Variants in COL9A2 observed in about 807,000 individuals in gnomAD.
COL9A2 encodes the protein collagen type IX alpha 2 chain.
COL9A2 carries 66 observed loss-of-function variants against 111.6 expected under a neutral mutation model. That is an observed-to-expected ratio of 0.59 (90% CI 0.48 to 0.73). The LOEUF (loss-of-function observed/expected upper bound fraction) is 0.73, where lower values mean the gene tolerates loss of function less well. Ranked by LOEUF, COL9A2 falls within the 30% of genes least tolerant of loss-of-function variation. The pLI is 0.00. For missense variants in COL9A2, 881 were observed against 954.1 expected (o/e 0.92, Z 1.01); for synonymous variants, 353 against 364.1 (o/e 0.97, Z 0.35).
intron 31 of COL9A2, 150 bp from the exon 32 acceptor site, chr1:40,301,531 TCCCCTA>T (rs1643914906): frequency 1.4e-6 from 1 of 706,596 alleles, no homozygotes. Flanking sequence ...TCTGTGATTG[TCCCCTA>T]CCCCCAGCTC....
rs372862735 is a variant in COL9A2 at position 40,310,039 on chromosome 1, A to G, written c.793-48T>C. On this transcript the variant is annotated intron_variant, in intron 15 of 31. Coordinates refer to ENST00000372748, the MANE Select transcript of COL9A2 (RefSeq NM_001852.4). The surrounding 1 kb of genome is among the most constrained non-coding windows in gnomAD (Gnocchi z 4.9). The stretch of plus-strand genomic sequence containing the variant: ...ATCCAGGTCACACAGGCTCAGGGGG[A>G]GCCATGCCCACTCTGTGGCTGTAGC... The G allele has an allele frequency of 8.3e-4, 1,337 of 1,613,410 alleles. No homozygotes were observed. Among genetic ancestry groups the G allele is most frequent in the Non-Finnish European group, 1.1e-3 (1,297 of 1,179,516 alleles).
intron 16 of COL9A2, among the ~76,000 whole-genome samples, chr1:40,309,732 C>A (rs754896287): frequency 6.6e-6 from 1 of 151,912 alleles, no homozygotes; most frequent in Admixed American, 6.6e-5. Flanking sequence ...TACACACACT[C>A]ACAGACAGCC....
Position 40,307,554 on chromosome 1 carries a change from G to A in COL9A2, c.955-55C>T, listed in dbSNP as rs926834916. ...ATTAAAGCTCCAGCCAGAGGGCCAT[G>A]GCTTCTACCCAGATGCAGGTAGGGA... On this transcript the variant is annotated intron_variant, in intron 18 of 31. Transcript: ENST00000372748. The surrounding 1 kb of genome is among the most constrained non-coding windows in gnomAD (Gnocchi z 4.8). The A allele has an allele frequency of 6.2e-7, 1 of 1,605,298 alleles. No homozygotes were observed. Among genetic ancestry groups the A allele is most frequent in the African/African-American group, 1.3e-5 (1 of 74,724 alleles).
chr1:40,311,049 T>C lies in COL9A2; in HGVS notation c.630+44A>G. 6.2e-7 allele frequency: 1 copy of C among 1,610,084 alleles called. No homozygotes were observed. Among genetic ancestry groups the C allele is most frequent in the Non-Finnish European group, 8.5e-7 (1 of 1,176,920 alleles). On this transcript the variant is annotated intron_variant, in intron 12 of 31. Coordinates refer to ENST00000372748, the MANE Select transcript of COL9A2 (RefSeq NM_001852.4). The surrounding 1 kb of genome is among the most constrained non-coding windows in gnomAD (Gnocchi z 5.1). ...AAGGGGACAGAGCCCTGTAGGACCATCTCCACGTATCCCTGACCCACAGCC... is the reference window on the plus strand; with the variant it reads ...AAGGGGACAGAGCCCTGTAGGACCACCTCCACGTATCCCTGACCCACAGCC...
rs183694459 is a variant in COL9A2 at position 40,315,284 on chromosome 1, C to A, written c.150+306G>T. 8,403 of 1,199,276 alleles carry A rather than the reference C, an allele frequency of 7.0e-3. 50 individuals are homozygous for A. Among genetic ancestry groups the A allele is most frequent in the Admixed American group, 9.0e-3 (212 of 23,676 alleles). The allele number at this position is 1,199,276 out of a possible 1,614,324, so 74.3% of individuals were successfully genotyped here. On this transcript the variant is annotated intron_variant, in intron 2 of 31. Transcript: ENST00000372748. ...CCAGAGGCAGGGTGAGGGGTTGAGTCGCCTCCTACCCCACAAGGAGGGGAA... is the reference window on the plus strand; with the variant it reads ...CCAGAGGCAGGGTGAGGGGTTGAGTAGCCTCCTACCCCACAAGGAGGGGAA...
chr1:40,311,237 C>T lies in COL9A2; in HGVS notation c.569G>A (p.Gly190Glu). 6.2e-7 allele frequency: 1 copy of T among 1,614,226 alleles called. No homozygotes were observed. Among genetic ancestry groups the T allele is most frequent in the Non-Finnish European group, 8.5e-7 (1 of 1,180,030 alleles). ...CAGGCCAGGAGCTCTCACCTTCACT[C>T]CCTGCAGCCCTGGGGGACCTTTCAT... ...PGMKGPPGLQ[G>E]VKGHAGKRGI... The change falls in exon 11 of 32, where the codon GGA becomes GAA. Residue 190 changes from glycine (G) to glutamate (E), a missense_variant. Transcript: ENST00000372748. This position sits in a 1 kb window ranked among gnomAD's most constrained non-coding sequence, Gnocchi z 5.1.
At position 40,311,052 on chromosome 1, in the gene COL9A2, C is replaced by T. The variant is rs202027418; in HGVS notation, c.630+41G>A. The stretch of plus-strand genomic sequence containing the variant: ...GGGACAGAGCCCTGTAGGACCATCT[C>T]CACGTATCCCTGACCCACAGCCCTC... On this transcript the variant is annotated intron_variant, in intron 12 of 31. Transcript: ENST00000372748. This position sits in a 1 kb window ranked among gnomAD's most constrained non-coding sequence, Gnocchi z 5.1. 3,599 of 1,611,650 alleles carry T rather than the reference C, an allele frequency of 2.2e-3. 29 individuals carry two copies. The highest frequency in any genetic ancestry group is 0.02 in the South Asian group (1,852 of 91,004).
rs780999102 is a variant in COL9A2, at chr1:40,309,434, GA to G, written c.846+503del. 3.1e-3 allele frequency among the ~76,000 whole-genome samples: 428 copies of G among 139,418 alleles called. 1 individual carries two copies. The highest frequency in any genetic ancestry group is 6.7e-3 in the African/African-American group (257 of 38,274). The allele number at this position is 139,418 out of a possible 152,430, so 91.5% of individuals were successfully genotyped here. Reference sequence around the variant, plus strand: ...TTCCCCCAACAGGTCTATTAATTGGGAAAAAAAAAAAAAAAGAGTTAAGAGA... The same window carrying G: ...TTCCCCCAACAGGTCTATTAATTGGGAAAAAAAAAAAAAAGAGTTAAGAGA... On this transcript the variant is annotated intron_variant, in intron 16 of 31. Transcript: ENST00000372748.
In COL9A2 at chr1:40,317,222, C is replaced by T. The variant is rs761794305; in HGVS notation, c.-25G>A. The T allele has an allele frequency of 1.5e-6, 2 of 1,359,616 alleles. No individual in the cohort carries two copies. Among genetic ancestry groups the T allele is most frequent in the Non-Finnish European group, 2.0e-6 (2 of 1,024,618 alleles). The allele number at this position is 1,359,616 out of a possible 1,614,324, so 84.2% of individuals were successfully genotyped here. A position where few individuals can be genotyped will look rare whatever the true frequency, so the allele number is the denominator to read the frequency against. ...TGGCTGGCGGCGAGACCAAGGGGGA[C>T]GGGTGCGTGTCCGCGCACGCACCGA... On this transcript the variant is annotated 5_prime_UTR_variant, in exon 1 of 32. Coordinates refer to ENST00000372748, the MANE Select transcript of COL9A2 (RefSeq NM_001852.4). This position sits in a 1 kb window ranked among gnomAD's most constrained non-coding sequence, Gnocchi z 4.3.
rs1557802678 is a variant in COL9A2, at chr1:40,311,620, T to TTCCCCTGCACTTTGCCATGTCGGGGG, written c.471+16_471+41dup. ...CAGGCTTGCTCAAAGACCCTTCTCC[T>TTCCCCTGCACTTTGCCATGTCGGGGG]TCCCCTGCACTTTGCCATGTCGGGG... On this transcript the variant is annotated intron_variant, in intron 9 of 31. Coordinates refer to ENST00000372748, the MANE Select transcript of COL9A2 (RefSeq NM_001852.4). The surrounding 1 kb of genome is among the most constrained non-coding windows in gnomAD (Gnocchi z 5.1). 1 of 1,613,294 alleles carries TTCCCCTGCACTTTGCCATGTCGGGGG rather than the reference T, an allele frequency of 6.2e-7. No individual in the cohort carries two copies. Among genetic ancestry groups the TTCCCCTGCACTTTGCCATGTCGGGGG allele is most frequent in the East Asian group, 2.2e-5 (1 of 44,852 alleles).
At chr1:40,306,573 C>A (rs1346889271) in intron 19 of COL9A2, among the ~76,000 whole-genome samples, 1 of 152,064 alleles carries the variant, frequency 6.6e-6, no homozygotes, top group Non-Finnish European at 1.5e-5. Context: ...ATGGAGATGG[C>A]CCTGAACGAT....
chr1:40,311,080 C>G lies in COL9A2; in HGVS notation c.630+13G>C, dbSNP rs3737815. On this transcript the variant is annotated intron_variant, in intron 12 of 31. Transcript: ENST00000372748. This position sits in a 1 kb window ranked among gnomAD's most constrained non-coding sequence, Gnocchi z 5.1. ...CGTATCCCTGACCCACAGCCCTCAGCCCTTGCACTCACCGGCTTCCCCTGG... is the reference window on the plus strand; with the variant it reads ...CGTATCCCTGACCCACAGCCCTCAGGCCTTGCACTCACCGGCTTCCCCTGG... 9.3e-6 allele frequency: 15 copies of G among 1,613,754 alleles called. No individual in the cohort carries two copies. The highest frequency in any genetic ancestry group is 1.3e-5 in the Non-Finnish European group (15 of 1,179,996).
rs779333390 is a variant in COL9A2, at chr1:40,310,230, G to A, written c.738+34C>T. On this transcript the variant is annotated intron_variant, in intron 14 of 31. Coordinates refer to ENST00000372748, the MANE Select transcript of COL9A2 (RefSeq NM_001852.4). This position sits in a 1 kb window ranked among gnomAD's most constrained non-coding sequence, Gnocchi z 4.9. ...TCCAGGGGCCAGAAGGCAGCTCCTGGAAGCTCTTGTAGAACACCCCAAGAT... is the reference window on the plus strand; with the variant it reads ...TCCAGGGGCCAGAAGGCAGCTCCTGAAAGCTCTTGTAGAACACCCCAAGAT... 4 of 1,614,124 alleles carry A rather than the reference G, an allele frequency of 2.5e-6. No homozygotes were observed. In the Admixed American group the frequency reaches 6.7e-5, roughly 27 times the overall value.
rs374571094 is a variant in COL9A2 at position 40,302,640 on chromosome 1, G to A, written c.1773C>T (p.Ile591=). The A allele has an allele frequency of 3.4e-5, 55 of 1,603,520 alleles. No individual in the cohort carries two copies. The South Asian group carries it at 3.9e-4, about 11-fold the overall frequency. Residue 591 remains isoleucine (I), a synonymous_variant, in exon 30 of 32, where the codon ATC becomes ATT. Coordinates refer to ENST00000372748, the MANE Select transcript of COL9A2 (RefSeq NM_001852.4). This position sits in a 1 kb window ranked among gnomAD's most constrained non-coding sequence, Gnocchi z 4.5. ...ACTCACCCTTGGGCCCCGTGTTGCCGATCTGACCCACGGCTCCCACGATGC... is the reference window on the plus strand; with the variant it reads ...ACTCACCCTTGGGCCCCGTGTTGCCAATCTGACCCACGGCTCCCACGATGC... ...VPGIVGAVGQ[I]GNTGPKGKRG...
At chr1:40,306,219 C>G (rs1480488635) in intron 19 of COL9A2, 32 bp from the exon 20 acceptor site, 1 of 1,613,856 alleles carries the variant, frequency 6.2e-7, no homozygotes, top group Non-Finnish European at 8.5e-7. Flanking sequence ...AGTTTCTGCC[C>G]TGGCATGAGG....
In COL9A2 at chr1:40,312,424, C is replaced by T; in HGVS notation, c.363+32G>A. The T allele has an allele frequency of 6.2e-7, 1 of 1,611,094 alleles. No individual in the cohort carries two copies. The highest frequency in any genetic ancestry group is 1.3e-5 in the African/African-American group (1 of 74,848). On this transcript the variant is annotated intron_variant, in intron 7 of 31. Coordinates refer to ENST00000372748, the MANE Select transcript of COL9A2 (RefSeq NM_001852.4). This position sits in a 1 kb window ranked among gnomAD's most constrained non-coding sequence, Gnocchi z 6.0. ...GTTGTCCCCTCCTTCCCTGGGAGTTCTGGGGATCCTGCCCCATCCCTGAGG... is the reference window on the plus strand; with the variant it reads ...GTTGTCCCCTCCTTCCCTGGGAGTTTTGGGGATCCTGCCCCATCCCTGAGG...
rs760500606 is a variant in COL9A2, at chr1:40,303,646, C to T, written c.1432G>A (p.Gly478Ser). 2 of 1,584,178 alleles carry T rather than the reference C, an allele frequency of 1.3e-6. No individual in the cohort carries two copies. The highest frequency in any genetic ancestry group is 1.7e-6 in the Non-Finnish European group (2 of 1,165,958). Residue 478 changes from glycine (G) to serine (S), a missense_variant, in exon 28 of 32, where the codon GGC (glycine) becomes AGC (serine). Transcript: ENST00000372748. The surrounding 1 kb of genome is among the most constrained non-coding windows in gnomAD (Gnocchi z 4.6). ...QGVRGEPGYP[G>S]PSGDAGAPGV... The stretch of plus-strand genomic sequence containing the variant: ...GGGGCGCCCGCATCCCCGCTGGGGC[C>T]AGGGTAGCCGGGTTCTCCACGTACT...
intron 1 of COL9A2, 157 bp from the exon 2 acceptor site, chr1:40,315,821 C>T (rs1644210302): frequency 3.6e-6 from 2 of 557,504 alleles, no homozygotes; most frequent in South Asian, 4.9e-5. Context: ...CACTGTGTGC[C>T]ATTACATGCA....
intron 17 of COL9A2, 130 bp downstream of exon 17, chr1:40,308,061 TC>T (rs1644058518): frequency 1.1e-6 from 1 of 888,528 alleles, no homozygotes; most frequent in Non-Finnish European, 1.8e-6. Context: ...GGGAGGCATT[TC>T]CTGAGGTTAT....
Sources: allele counts gnomAD v4.1 joint callset (sites outside exome capture counted in the v4.1 genomes callset), GRCh38; gene constraint gnomAD v4.1.1; non-coding constraint Gnocchi (gnomAD v3.1); transcripts MANE v1.5; gene names NCBI Gene and HGNC (gene_info 2026-07-23, HGNC 2026-07-21).